The following WDR93 variants were observed in gnomAD, a reference collection of about 807,000 sequenced individuals.
WDR93 encodes the protein WD repeat domain 93.
In WDR93, 73 loss-of-function variants were observed where a neutral mutation model predicts 82.9. That is an observed-to-expected ratio of 0.88 (90% CI 0.73 to 1.07). The LOEUF (loss-of-function observed/expected upper bound fraction) is 1.07. Among genes scored for constraint, WDR93 ranks in the 50% least tolerant of loss-of-function variants. WDR93 has a pLI of 0.00. For missense variants in WDR93, 738 were observed against 826.0 expected, an observed-to-expected ratio of 0.89 and a Z score of 1.31; for synonymous variants, 283 against 300.1, an observed-to-expected ratio of 0.94 and a Z score of 0.59.
chr15:89,697,939 G>C (rs1167270337), intron 1 of WDR93, among the ~76,000 whole-genome samples: 1 of 149,492 alleles, frequency 6.7e-6, no homozygotes, highest in East Asian at 2.0e-4. Context: ...GAGTGCAGTG[G>C]TGCAATCTCG....
intron 1 of WDR93, among the ~76,000 whole-genome samples, chr15:89,695,381 T>A (rs1340889541): frequency 6.6e-6 from 1 of 152,202 alleles, no homozygotes; most frequent in African/African-American, 2.4e-5. Flanking sequence ...TTGCCCAAAC[T>A]GGAGTGCAGC....
chr15:89,735,569 C>T lies in WDR93; in HGVS notation c.1608+16C>T. On this transcript the variant is annotated intron_variant, in intron 14 of 16. Transcript: ENST00000268130. ...ACCTGGCATGGTAGGTTCCCCATGCCTCTCTGTAAATGCCCCATGCCTCTC... is the reference window on the plus strand; with the variant it reads ...ACCTGGCATGGTAGGTTCCCCATGCTTCTCTGTAAATGCCCCATGCCTCTC... 6.2e-7 allele frequency: 1 copy of T among 1,612,580 alleles called. No homozygotes were observed. The highest frequency in any genetic ancestry group is 8.5e-7 in the Non-Finnish European group (1 of 1,178,614).
At chr15:89,699,838 T>A (rs772155369) in intron 1 of WDR93, among the ~76,000 whole-genome samples, 1 of 152,228 alleles carries the variant, frequency 6.6e-6, no homozygotes, top group Non-Finnish European at 1.5e-5. Flanking sequence ...CAGTTACAGC[T>A]TTATAACTTT....
intron 1 of WDR93, 40 bp from the exon 2 acceptor site, chr15:89,701,667 T>C: frequency 6.6e-7 from 1 of 1,505,054 alleles, no homozygotes; most frequent in Admixed American, 2.0e-5. Context: ...TCTCATTGCT[T>C]CCTTTCTTCC....
At chr15:89,702,883 A>G in intron 2 of WDR93, 67 bp from the exon 3 acceptor site, 28 of 1,514,168 alleles carry the variant, frequency 1.8e-5, no homozygotes, top group Non-Finnish European at 2.5e-5. Flanking sequence ...AATGTCTCTG[A>G]GAAGCTAACT....
At chr15:89,736,893 A>G (rs1377381577) in intron 14 of WDR93, among the ~76,000 whole-genome samples, 5 of 150,360 alleles carry the variant, frequency 3.3e-5, no homozygotes, top group East Asian at 2.0e-4. Context: ...CCGGGTTCAC[A>G]CCATTCTCCT....
At chr15:89,698,185 A>C (rs1225819075) in intron 1 of WDR93, among the ~76,000 whole-genome samples, 3 of 151,978 alleles carry the variant, frequency 2.0e-5, no homozygotes, top group African/African-American at 7.3e-5. Flanking sequence ...CACCCGGCCC[A>C]CTTTTATCAT....
At chr15:89,699,053 G>C (rs552275057) in intron 1 of WDR93, among the ~76,000 whole-genome samples, 1 of 151,900 alleles carries the variant, frequency 6.6e-6, no homozygotes, top group Non-Finnish European at 1.5e-5. Context: ...ATAGAATAAA[G>C]GTCTCCTTTT....
chr15:89,698,591 TC>T (rs2141587373), intron 1 of WDR93, among the ~76,000 whole-genome samples: 1 of 152,324 alleles, frequency 6.6e-6, no homozygotes, highest in East Asian at 1.9e-4. Flanking sequence ...TTGTTTTATT[TC>T]TTTAGTGGTT....
At chr15:89,740,375 C>T (rs368261586) in intron 16 of WDR93, among the ~76,000 whole-genome samples, 3 of 152,106 alleles carry the variant, frequency 2.0e-5, no homozygotes, top group Non-Finnish European at 4.4e-5. Flanking sequence ...CGTCAGGAGA[C>T]GAATATGGTC....
At chr15:89,735,580 T>C in intron 14 of WDR93, 27 bp downstream of exon 14, 1 of 1,602,634 alleles carries the variant, frequency 6.2e-7, no homozygotes, top group Non-Finnish European at 8.6e-7. Flanking sequence ...TCTCTGTAAA[T>C]GCCCCATGCC....
chr15:89,739,070 C>T (rs1275216056), intron 16 of WDR93, among the ~76,000 whole-genome samples: 1 of 150,606 alleles, frequency 6.6e-6, no homozygotes, highest in East Asian at 2.0e-4. Flanking sequence ...GAGCCAAGAT[C>T]GTGCCATTGC....
At chr15:89,697,157 CTGTG>C (rs1965220644) in intron 1 of WDR93, among the ~76,000 whole-genome samples, 1 of 152,100 alleles carries the variant, frequency 6.6e-6, no homozygotes, top group Admixed American at 6.5e-5. Context: ...TGGGGTCTCA[CTGTG>C]TTGCTTAGAC....
chr15:89,717,781 A>G (rs1438447457), intron 7 of WDR93, among the ~76,000 whole-genome samples: 1 of 152,216 alleles, frequency 6.6e-6, no homozygotes, highest in Non-Finnish European at 1.5e-5. Context: ...TTTTCTTAAA[A>G]GAGGGTCCTA....
intron 5 of WDR93, 41 bp from the exon 6 acceptor site, chr15:89,714,939 C>T (rs371619134): frequency 6.4e-7 from 1 of 1,556,616 alleles, no homozygotes; most frequent in African/African-American, 1.4e-5. Context: ...ACTTGTGGCT[C>T]TCTTACAGTT....
At position 89,738,066 on chromosome 15, in the gene WDR93, C is replaced by T; in HGVS notation, c.1791C>T (p.Ser597=). Residue 597 remains serine, a synonymous_variant, in exon 16 of 17, where the codon TCC becomes TCT. Transcript: ENST00000268130. ...GAGACTATTCACATGAAACTGCGTC[C>T]ACCGACGATGCTGGAATCCAATATT... ...LRGDYSHETA[S]TDDAGIQYSV... 1.2e-6 allele frequency: 2 copies of T among 1,612,724 alleles called. No homozygotes were observed. Among genetic ancestry groups the T allele is most frequent in the South Asian group, 2.2e-5 (2 of 90,850 alleles).
At chr15:89,706,081 G>A (rs1006858356) in intron 4 of WDR93, among the ~76,000 whole-genome samples, 2 of 152,080 alleles carry the variant, frequency 1.3e-5, no homozygotes, top group African/African-American at 4.8e-5. Flanking sequence ...CCCAAGAGGA[G>A]CTGATCTCTC....
At chr15:89,694,456 C>T (rs534577243) in intron 1 of WDR93, among the ~76,000 whole-genome samples, 19 of 152,152 alleles carry the variant, frequency 1.2e-4, no homozygotes, top group East Asian at 9.7e-4. Context: ...AGGATGGTCT[C>T]GCTCTCCTGA....
chr15:89,693,419 C>T (rs57066444), intron 1 of WDR93, among the ~76,000 whole-genome samples: 2,619 of 152,208 alleles, frequency 0.017, 71 homozygotes, highest in African/African-American at 0.06. Context: ...TGTTCGTGTA[C>T]AAGTCTTTGT....
Sources: gnomAD v4.1 joint callset for allele counts (sites outside exome capture counted in the v4.1 genomes callset) on GRCh38, gnomAD v4.1.1 for gene constraint, MANE v1.5 for transcripts, NCBI Gene and HGNC (gene_info 2026-07-23, HGNC 2026-07-21) for gene names.